IL33: variants seen among roughly 807,000 people sequenced by gnomAD.
IL33 encodes the protein interleukin 33.
Under a neutral mutation model 27.3 loss-of-function variants are expected in IL33, and 37 were observed. That is an observed-to-expected ratio of 1.36 (90% CI 1.04 to 1.78). The LOEUF is 1.78. IL33 is among the 40% of genes most tolerant of loss of function. The pLI is 0.00. For missense variants in IL33, 406 were observed against 311.4 expected, an observed-to-expected ratio of 1.30 and a Z score of -2.29; for synonymous variants, 132 against 102.9, an observed-to-expected ratio of 1.28 and a Z score of -1.71.
At chr9:6,221,127 C>G (rs1233376875) in intron 1 of IL33, among the ~76,000 whole-genome samples, 1 of 152,084 alleles carries the variant, frequency 6.6e-6, no homozygotes, top group Non-Finnish European at 1.5e-5. Context: ...GAAATAAGTA[C>G]CAATATTCAT....
At chr9:6,244,211 C>T (rs1381488084) in intron 2 of IL33, among the ~76,000 whole-genome samples, 1 of 152,124 alleles carries the variant, frequency 6.6e-6, no homozygotes, top group Non-Finnish European at 1.5e-5. Flanking sequence ...CTTACCTATA[C>T]CATTTAGAGG....
At chr9:6,220,899 A>G (rs540943541) in intron 1 of IL33, among the ~76,000 whole-genome samples, 8 of 152,174 alleles carry the variant, frequency 5.3e-5, no homozygotes, top group Admixed American at 3.9e-4. Context: ...GACCACAGCC[A>G]TGTGCTGCCT....
Position 6,252,865 on chromosome 9 carries a change from G to A in IL33, c.344-1G>A, listed in dbSNP as rs777868263. ...ACAAATTTTTGAATTCTTAACAACA[G>A]GAATTTCACCTATTACAGAGTATCT... On this transcript the variant is annotated splice_acceptor_variant, in intron 4 of 7. Transcript: ENST00000682010. LOFTEE classifies it high-confidence loss of function. 3.8e-6 allele frequency: 6 copies of A among 1,598,220 alleles called. No individual in the cohort carries two copies. The highest frequency in any genetic ancestry group is 5.1e-6 in the Non-Finnish European group (6 of 1,176,042).
chr9:6,224,141 C>T (rs976537972), intron 1 of IL33, among the ~76,000 whole-genome samples: 3 of 152,156 alleles, frequency 2.0e-5, no homozygotes, highest in Non-Finnish European at 4.4e-5. Flanking sequence ...TTCAGAAACT[C>T]CTCTTGTTAT....
chr9:6,228,160 T>C (rs1337494154), intron 1 of IL33, among the ~76,000 whole-genome samples: 1 of 152,100 alleles, frequency 6.6e-6, no homozygotes, highest in Non-Finnish European at 1.5e-5. Flanking sequence ...TTGTAAAAAA[T>C]ACAGGAGAGC....
intron 6 of IL33, among the ~76,000 whole-genome samples, chr9:6,254,060 T>C (rs1193012782): frequency 1.3e-5 from 2 of 152,190 alleles, no homozygotes. Context: ...CACTTCCTCT[T>C]ATCTCACATT....
At chr9:6,233,988 C>T (rs1819054432) in intron 1 of IL33, among the ~76,000 whole-genome samples, 1 of 152,236 alleles carries the variant, frequency 6.6e-6, no homozygotes, top group South Asian at 2.1e-4. Context: ...CTCTATAGTA[C>T]TCATTACCAA....
In IL33 at chr9:6,256,273, T is replaced by C; in HGVS notation, c.*105T>C. On this transcript the variant is annotated 3_prime_UTR_variant, in exon 8 of 8. Coordinates refer to ENST00000682010, the MANE Select transcript of IL33 (RefSeq NM_033439.4). ...GGTGACATCTAAGGGAAATGAAGAGTGCTTAGCATGTGTGGAATGTTTTCC... is the reference window on the plus strand; with the variant it reads ...GGTGACATCTAAGGGAAATGAAGAGCGCTTAGCATGTGTGGAATGTTTTCC... 1 of 762,420 alleles carries C rather than the reference T, an allele frequency of 1.3e-6. No homozygotes were observed. The highest frequency in any genetic ancestry group is 2.2e-6 in the Non-Finnish European group (1 of 459,532). The allele number at this position is 762,420 out of a possible 1,614,324, so 47.2% of individuals were successfully genotyped here.
At chr9:6,250,696 G>T in intron 3 of IL33, 97 bp downstream of exon 3, 1 of 1,398,008 alleles carries the variant, frequency 7.2e-7, no homozygotes, top group South Asian at 1.6e-5. Context: ...TCACTCCAAG[G>T]TTCCTTTTGG....
At chr9:6,231,335 T>C (rs549981403) in intron 1 of IL33, among the ~76,000 whole-genome samples, 23 of 152,262 alleles carry the variant, frequency 1.5e-4, no homozygotes, top group Admixed American at 3.9e-4. Flanking sequence ...CTTCACATTA[T>C]GCTCTCCCCA....
intron 2 of IL33, among the ~76,000 whole-genome samples, chr9:6,247,434 G>T (rs1206266737): frequency 6.6e-6 from 1 of 152,158 alleles, no homozygotes; most frequent in Non-Finnish European, 1.5e-5. Context: ...GAAAGACGGA[G>T]TGATTCACCT....
At chr9:6,239,577 T>C (rs1024029036) in intron 1 of IL33, among the ~76,000 whole-genome samples, 10 of 152,118 alleles carry the variant, frequency 6.6e-5, no homozygotes, top group African/African-American at 1.7e-4. Context: ...TATTCCACTA[T>C]AGAATAGCAA....
At position 6,254,443 on chromosome 9, in the gene IL33, A is replaced by G; in HGVS notation, c.521-19A>G. 6.7e-7 allele frequency: 1 copy of G among 1,494,586 alleles called. No homozygotes were observed. Among genetic ancestry groups the G allele is most frequent in the Non-Finnish European group, 9.1e-7 (1 of 1,096,704 alleles). 92.6% of individuals were successfully genotyped at this position (1,494,586 alleles called of 1,614,324 possible). ...GTTACAGTTCTTAACTTTATCATTTATACTTTCTTAATTGTAAGGTGACGG... is the reference window on the plus strand; with the variant it reads ...GTTACAGTTCTTAACTTTATCATTTGTACTTTCTTAATTGTAAGGTGACGG... On this transcript the variant is annotated intron_variant, in intron 6 of 7. Coordinates refer to ENST00000682010, the MANE Select transcript of IL33 (RefSeq NM_033439.4).
intron 1 of IL33, among the ~76,000 whole-genome samples, chr9:6,229,675 G>C (rs1818830668): frequency 6.6e-6 from 1 of 152,090 alleles, no homozygotes; most frequent in African/African-American, 2.4e-5. Flanking sequence ...TAGTTTATAG[G>C]GTTTCTGTAA....
At chr9:6,228,539 T>C (rs1818762048) in intron 1 of IL33, among the ~76,000 whole-genome samples, 1 of 151,468 alleles carries the variant, frequency 6.6e-6, no homozygotes, top group Admixed American at 6.6e-5. Context: ...ATTGCTTTCT[T>C]CTAGCAGTGA....
intron 1 of IL33, among the ~76,000 whole-genome samples, chr9:6,224,273 T>C (rs913416966): frequency 2.6e-5 from 4 of 152,194 alleles, no homozygotes; most frequent in African/African-American, 7.2e-5. Flanking sequence ...GCTCTAACTA[T>C]ATAACTGTAA....
At chr9:6,218,519 G>C (rs1449049215) in intron 1 of IL33, among the ~76,000 whole-genome samples, 1 of 151,628 alleles carries the variant, frequency 6.6e-6, no homozygotes, top group African/African-American at 2.4e-5. Context: ...ATTGTGAAAA[G>C]TTAAGCTCCA....
At chr9:6,253,045 C>T (rs909050585) in intron 5 of IL33, 54 bp downstream of exon 5, 15 of 1,174,136 alleles carry the variant, frequency 1.3e-5, no homozygotes, top group Non-Finnish European at 1.5e-5. Flanking sequence ...AAAAGTAAAA[C>T]ATTTTAATAA....
Position 6,252,046 on chromosome 9 carries a change from AACAAAC to A in IL33, c.343+783_343+788del, listed in dbSNP as rs1816398833. ...GAGCGGCTGTCTCAGAAAAAAAACAAACAAACAAACAAAAAAAAACCCAACAAAAAA... is the reference window on the plus strand; with the variant it reads ...GAGCGGCTGTCTCAGAAAAAAAACAAAAACAAAAAAAAACCCAACAAAAAA... On this transcript the variant is annotated intron_variant, in intron 4 of 7. Coordinates refer to ENST00000682010, the MANE Select transcript of IL33 (RefSeq NM_033439.4). 2.1e-4 allele frequency among the ~76,000 whole-genome samples: 6 copies of A among 28,348 alleles called. 2 individuals are homozygous for A. The highest frequency in any genetic ancestry group is 4.3e-4 in the Non-Finnish European group (6 of 14,050). 18.6% of individuals were successfully genotyped at this position (28,348 alleles called of 152,430 possible). A position where few individuals can be genotyped will look rare whatever the true frequency, so the allele number is the denominator to read the frequency against.
Sources: gnomAD v4.1 joint callset for allele counts (sites outside exome capture counted in the v4.1 genomes callset) on GRCh38, gnomAD v4.1.1 for gene constraint, MANE v1.5 for transcripts, NCBI Gene and HGNC (gene_info 2026-07-23, HGNC 2026-07-21) for gene names.